Variants in SH3BGRL observed in about 807,000 individuals in gnomAD.
SH3BGRL encodes the protein adapter SH3BGRL.
Under a neutral mutation model 9.8 loss-of-function variants are expected in SH3BGRL, and 7 were observed. The observed-to-expected ratio is 0.72, with a 90% CI of 0.41 to 1.35. The LOEUF is 1.35. Among genes scored for constraint, SH3BGRL ranks in the 40% most tolerant of loss-of-function variants. The pLI, the probability that SH3BGRL is intolerant of heterozygous loss-of-function variation, is 0.01. For synonymous variants in SH3BGRL, 36 were observed against 29.1 expected, an observed-to-expected ratio of 1.24 and a Z score of -0.76; for missense variants, 73 against 84.4, an observed-to-expected ratio of 0.86 and a Z score of 0.53.
intron 1 of SH3BGRL, among the ~76,000 whole-genome samples, chrX:81,271,295 CT>C (rs1468045092): frequency 8.9e-6 from 1 of 112,318 alleles, no homozygotes; most frequent in African/African-American, 3.2e-5. Flanking sequence ...CCAGGCACCT[CT>C]GTTGGAAATG....
chrX:81,271,252 C>T (rs748808927), intron 1 of SH3BGRL, among the ~76,000 whole-genome samples: 1 of 112,212 alleles, frequency 8.9e-6, no homozygotes, highest in Non-Finnish European at 1.9e-5. Flanking sequence ...CTGTGGGCTG[C>T]ACCCACTGTC....
intron 1 of SH3BGRL, among the ~76,000 whole-genome samples, chrX:81,209,226 A>G (rs943743930): frequency 2.7e-5 from 3 of 109,638 alleles, no homozygotes; most frequent in Non-Finnish European, 3.8e-5. Flanking sequence ...CAGGCTGGTC[A>G]CAAACTCTTC....
At chrX:81,218,549 G>A (rs1330286864) in intron 1 of SH3BGRL, among the ~76,000 whole-genome samples, 1 of 105,728 alleles carries the variant, frequency 9.5e-6, no homozygotes, top group Non-Finnish European at 2.0e-5. Context: ...TTTTGTTTTT[G>A]TTTACTGAGG....
intron 1 of SH3BGRL, among the ~76,000 whole-genome samples, chrX:81,241,501 T>A (rs1201150503): frequency 9.0e-6 from 1 of 111,669 alleles, no homozygotes; most frequent in Admixed American, 9.4e-5. Context: ...CAATAATCAT[T>A]TCCTCCCTGT....
chrX:81,297,410 G>A lies in SH3BGRL; in HGVS notation c.*183G>A. ...AAATTTGAACATTATGGTGATTATG[G>A]TGAGGAGAATGGGATATTAACATAA... is the stretch of plus-strand genomic sequence containing the variant. On this transcript the variant is annotated 3_prime_UTR_variant, in exon 4 of 4. Coordinates refer to ENST00000373212, the MANE Select transcript of SH3BGRL (RefSeq NM_003022.3). 2.5e-6 allele frequency: 1 copy of A among 393,077 alleles called. No individual in the cohort carries two copies. The highest frequency in any genetic ancestry group is 5.0e-5 in the South Asian group (1 of 19,884). The allele number at this position is 393,077 out of a possible 1,213,427, so 32.4% of individuals were successfully genotyped here. A position where few individuals can be genotyped will look rare whatever the true frequency, so the allele number is the denominator to read the frequency against.
chrX:81,285,510 T>C (rs1192672687), intron 3 of SH3BGRL, among the ~76,000 whole-genome samples: 1 of 111,745 alleles, frequency 8.9e-6, no homozygotes, highest in Non-Finnish European at 1.9e-5. Context: ...AATAATCCTA[T>C]ACGTGGAAAA....
At chrX:81,220,876 G>C (rs1363831215) in intron 1 of SH3BGRL, among the ~76,000 whole-genome samples, 3 of 110,842 alleles carry the variant, frequency 2.7e-5, no homozygotes, top group Admixed American at 9.7e-5. Flanking sequence ...TTGACCCACT[G>C]TTCACTCAGG....
At chrX:81,280,345 C>G (rs751942428) in intron 3 of SH3BGRL, among the ~76,000 whole-genome samples, 1 of 111,311 alleles carries the variant, frequency 9.0e-6, no homozygotes, top group East Asian at 2.8e-4. Context: ...TTCTGGAAAG[C>G]GCCACCTCCT....
At chrX:81,278,206 G>A (rs1463391235) in intron 2 of SH3BGRL, 125 bp from the exon 3 acceptor site, 8 of 440,223 alleles carry the variant, frequency 1.8e-5, no homozygotes, top group South Asian at 4.4e-5. Context: ...TAGGTGATCC[G>A]CCCACCTCGG....
chrX:81,242,544 C>T (rs1038631014), intron 1 of SH3BGRL, among the ~76,000 whole-genome samples: 16 of 111,971 alleles, frequency 1.4e-4, no homozygotes, highest in Non-Finnish European at 2.4e-4. Flanking sequence ...GCACAGGCAC[C>T]AGCAACTAAA....
intron 1 of SH3BGRL, among the ~76,000 whole-genome samples, chrX:81,225,264 G>A (rs910105891): frequency 9.0e-6 from 1 of 111,084 alleles, no homozygotes; most frequent in African/African-American, 3.3e-5. Flanking sequence ...TAGAGCAGGA[G>A]ATTATTTATA....
At chrX:81,289,376 G>A (rs906989026) in intron 3 of SH3BGRL, among the ~76,000 whole-genome samples, 1 of 111,059 alleles carries the variant, frequency 9.0e-6, no homozygotes, top group African/African-American at 3.3e-5. Flanking sequence ...AATTTGTTGA[G>A]AAATATCCCA....
At chrX:81,242,958 C>T (rs1001221495) in intron 1 of SH3BGRL, among the ~76,000 whole-genome samples, 1 of 111,724 alleles carries the variant, frequency 9.0e-6, no homozygotes, top group African/African-American at 3.3e-5. Context: ...TTAGTACTAC[C>T]AGTATGGAGA....
intron 1 of SH3BGRL, among the ~76,000 whole-genome samples, chrX:81,244,023 T>C (rs1465951672): frequency 8.9e-6 from 1 of 112,204 alleles, no homozygotes; most frequent in Non-Finnish European, 1.9e-5. Flanking sequence ...AATTGAAAGC[T>C]TACCACATGT....
intron 1 of SH3BGRL, among the ~76,000 whole-genome samples, chrX:81,245,270 C>T (rs1415402433): frequency 1.8e-5 from 2 of 111,723 alleles, no homozygotes; most frequent in Non-Finnish European, 3.8e-5. Context: ...GCACTCTGTT[C>T]TGTATTCTGA....
intron 3 of SH3BGRL, among the ~76,000 whole-genome samples, chrX:81,279,850 G>C (rs2075810678): frequency 2.7e-5 from 3 of 111,214 alleles, no homozygotes; most frequent in African/African-American, 9.8e-5. Flanking sequence ...CTCGGGGGAG[G>C]GTGCAAATCT....
At chrX:81,286,773 G>T (rs1465429630) in intron 3 of SH3BGRL, among the ~76,000 whole-genome samples, 1 of 111,127 alleles carries the variant, frequency 9.0e-6, no homozygotes, top group Admixed American at 9.6e-5. Flanking sequence ...TTTACATTGG[G>T]AATACGGAGG....
chrX:81,243,508 T>C (rs2075678195), intron 1 of SH3BGRL, among the ~76,000 whole-genome samples: 1 of 111,634 alleles, frequency 9.0e-6, no homozygotes, highest in East Asian at 2.8e-4. Flanking sequence ...AATAATAACT[T>C]AATTGTTAAA....
intron 1 of SH3BGRL, among the ~76,000 whole-genome samples, chrX:81,246,660 T>C (rs1433855548): frequency 9.0e-6 from 1 of 111,329 alleles, no homozygotes; most frequent in Admixed American, 9.5e-5. Flanking sequence ...TTTTTTATCT[T>C]AGTCAGTGAG....
Sources: allele counts gnomAD v4.1 joint callset (sites outside exome capture counted in the v4.1 genomes callset), GRCh38; gene constraint gnomAD v4.1.1; transcripts MANE v1.5; gene names NCBI Gene and HGNC (gene_info 2026-07-23, HGNC 2026-07-21).